The following PTPRB variants were observed in gnomAD, a reference collection of about 807,000 sequenced individuals.
PTPRB encodes the protein protein tyrosine phosphatase receptor type B.
PTPRB carries 97 observed loss-of-function variants against 238.1 expected under a neutral mutation model. That is an observed-to-expected ratio of 0.41 (90% CI 0.35 to 0.48). The LOEUF is 0.48. Among genes scored for constraint, PTPRB ranks in the 20% least tolerant of loss-of-function variants. PTPRB has a pLI of 0.30. For missense variants in PTPRB, 2,292 were observed against 2,681.9 expected (o/e 0.85, Z 3.21); for synonymous variants, 970 against 995.4 (o/e 0.97, Z 0.48).
rs1592369011 is a variant in PTPRB at position 70,516,489 on chromosome 12, T to A, written c.*5000A>T. On this transcript the variant is annotated 3_prime_UTR_variant, in exon 34 of 34. Coordinates refer to ENST00000334414, the MANE Select transcript of PTPRB (RefSeq NM_001109754.4). ...GACTAGGACATTCCACAAAGGCTGGTACAGGCTTTCCTACTAACCTGCAGA... is the reference window on the plus strand; with the variant it reads ...GACTAGGACATTCCACAAAGGCTGGAACAGGCTTTCCTACTAACCTGCAGA... 1 of 152,230 alleles carries A rather than the reference T, an allele frequency of 6.6e-6. No individual in the cohort carries two copies. The highest frequency in any genetic ancestry group is 1.5e-5 in the Non-Finnish European group (1 of 68,038). The allele number at this position is 152,230 out of a possible 1,614,324, so 9.4% of individuals were successfully genotyped here. A position where few individuals can be genotyped will look rare whatever the true frequency, so the allele number is the denominator to read the frequency against.
chr12:70,622,761 G>T, intron 2 of PTPRB, 115 bp from the exon 3 acceptor site: 1 of 1,246,956 alleles, frequency 8.0e-7, no homozygotes, highest in South Asian at 1.6e-5. Context: ...ATGTGGATAA[G>T]CTTCAGTTAT....
rs1298096681 is a variant in PTPRB, at chr12:70,536,085, C to T, written c.6021G>A (p.Met2007Ile). ...TGTTGTGAACGTTTTGTTCCCACAC[C>T]ATTTTCCAGAAGTCATCCTTGGTGC... ...LPGTKDDFWK[M>I]VWEQNVHNIV... Residue 2007 changes from methionine (M) to isoleucine (I), a missense_variant, in exon 29 of 34, where the codon ATG becomes ATA. Physicochemically the swap from Met to Ile is conservative, Grantham distance 10. Around this residue, in one of 4 missense-constraint regions of PTPRB, gnomAD observed 397 missense variants for 502.0 expected, o/e 0.79. Transcript: ENST00000334414. 1 of 1,613,804 alleles carries T rather than the reference C, an allele frequency of 6.2e-7. No individual in the cohort carries two copies. Among genetic ancestry groups the T allele is most frequent in the African/African-American group, 1.3e-5 (1 of 74,930 alleles).
At chr12:70,622,215 TG>T (rs1194557689) in intron 3 of PTPRB, among the ~76,000 whole-genome samples, 174 bp downstream of exon 3, 1 of 152,208 alleles carries the variant, frequency 6.6e-6, no homozygotes, top group Non-Finnish European at 1.5e-5. Flanking sequence ...TTGAGTCAAT[TG>T]CAAAGATTTT....
chr12:70,531,552 A>C (rs1160159732), intron 32 of PTPRB, among the ~76,000 whole-genome samples: 1 of 152,134 alleles, frequency 6.6e-6, no homozygotes, highest in Non-Finnish European at 1.5e-5. Flanking sequence ...CAAAGCCCTT[A>C]AGCTTTTGGA....
intron 9 of PTPRB, among the ~76,000 whole-genome samples, chr12:70,582,889 A>G (rs1228846939): frequency 1.3e-5 from 2 of 152,178 alleles, no homozygotes; most frequent in African/African-American, 2.4e-5. Flanking sequence ...ATATTTGAAC[A>G]AAAACTTCCC....
intron 21 of PTPRB, among the ~76,000 whole-genome samples, chr12:70,552,574 C>T (rs1401947379): frequency 6.6e-6 from 1 of 151,780 alleles, no homozygotes; most frequent in African/African-American, 2.4e-5. Flanking sequence ...GGAGCTTTTG[C>T]ATAGTGCTGA....
chr12:70,592,677 C>A, intron 6 of PTPRB, 132 bp from the exon 7 acceptor site: 1 of 904,352 alleles, frequency 1.1e-6, no homozygotes. Context: ...CTTCAAGAGG[C>A]AAATATTATC....
At position 70,637,389 on chromosome 12, in the gene PTPRB, C is replaced by G; in HGVS notation, c.7G>C (p.Ala3Pro). The change falls in exon 1 of 34, where the codon GCT (alanine) becomes CCT (proline). Residue 3 changes from alanine (A) to proline (P), a missense_variant. Around this residue, in one of 4 missense-constraint regions of PTPRB, gnomAD observed 1,205 missense variants for 1,287.8 expected, o/e 0.94. Transcript: ENST00000334414. ...GTAAGAATCACCATGTAAAATTCAG[C>G]CTCCATTTTCCACTTAGCAACTGTT... is the stretch of plus-strand genomic sequence containing the variant. ME[A>P]EFYMVILTCL... The G allele has an allele frequency of 1.2e-6, 2 of 1,607,764 alleles. No individual in the cohort carries two copies. The highest frequency in any genetic ancestry group is 1.1e-5 in the South Asian group (1 of 89,428).
chr12:70,610,390 C>A (rs1292647032), intron 3 of PTPRB, among the ~76,000 whole-genome samples: 1 of 148,682 alleles, frequency 6.7e-6, no homozygotes, highest in Non-Finnish European at 1.5e-5. Flanking sequence ...CAGGCCCCCA[C>A]CCCCGCCCCT....
intron 2 of PTPRB, among the ~76,000 whole-genome samples, chr12:70,625,551 G>GT (rs373089273): frequency 0.061 from 8,953 of 146,888 alleles, 283 homozygotes; most frequent in South Asian, 0.15. Flanking sequence ...AGATGATTAA[G>GT]TTTTTTTTTT....
At chr12:70,598,145 T>G (rs1883188873) in intron 4 of PTPRB, among the ~76,000 whole-genome samples, 1 of 152,204 alleles carries the variant, frequency 6.6e-6, no homozygotes, top group South Asian at 2.1e-4. Flanking sequence ...ACATATGTTC[T>G]AGGGTTTGAC....
intron 12 of PTPRB, 167 bp from the exon 13 acceptor site, chr12:70,571,456 A>G: frequency 1.4e-6 from 1 of 706,074 alleles, no homozygotes; most frequent in African/African-American, 1.8e-5. Flanking sequence ...AGCAACTATT[A>G]ACATTGTGGT....
intron 6 of PTPRB, among the ~76,000 whole-genome samples, chr12:70,593,776 T>TA (rs140354401): frequency 0.11 from 16,292 of 152,154 alleles, 1,004 homozygotes; most frequent in Non-Finnish European, 0.13. Flanking sequence ...GAGTTTCTCT[T>TA]AAAATTAGAT....
Position 70,520,243 on chromosome 12 carries a change from C to T in PTPRB, c.*1246G>A. 1 of 470,456 alleles carries T rather than the reference C, an allele frequency of 2.1e-6. No homozygotes were observed. Among genetic ancestry groups the T allele is most frequent in the South Asian group, 1.5e-5 (1 of 65,212 alleles). The allele number at this position is 470,456 out of a possible 1,614,324, so 29.1% of individuals were successfully genotyped here. A position where few individuals can be genotyped will look rare whatever the true frequency, so the allele number is the denominator to read the frequency against. On this transcript the variant is annotated 3_prime_UTR_variant, in exon 34 of 34. Coordinates refer to ENST00000334414, the MANE Select transcript of PTPRB (RefSeq NM_001109754.4). The stretch of plus-strand genomic sequence containing the variant: ...CCTTGATGAAGGAAATACTTTCTGA[C>T]TCATTGGAATTTGTTATAGTCAAAG...
intron 4 of PTPRB, among the ~76,000 whole-genome samples, chr12:70,599,256 A>G (rs1276269773): frequency 6.6e-6 from 1 of 152,170 alleles, no homozygotes; most frequent in Non-Finnish European, 1.5e-5. Flanking sequence ...GGAGAAAGAG[A>G]AAATTTTTAA....
At chr12:70,602,136 A>G (rs1883562771) in intron 4 of PTPRB, among the ~76,000 whole-genome samples, 1 of 152,122 alleles carries the variant, frequency 6.6e-6, no homozygotes, top group Non-Finnish European at 1.5e-5. Flanking sequence ...GCTGTTTGAC[A>G]ATAGTCAGTT....
chr12:70,606,677 C>T (rs1013574840), intron 4 of PTPRB, among the ~76,000 whole-genome samples: 1 of 152,072 alleles, frequency 6.6e-6, no homozygotes, highest in Non-Finnish European at 1.5e-5. Context: ...ATGATTTATG[C>T]ATCTCATCTC....
At chr12:70,537,042 T>G (rs558725768) in intron 28 of PTPRB, among the ~76,000 whole-genome samples, 12 of 152,228 alleles carry the variant, frequency 7.9e-5, no homozygotes, top group African/African-American at 2.9e-4. Context: ...CCCAGCACTT[T>G]GGGAGGCCAA....
At chr12:70,561,413 G>A (rs1878466997) in intron 16 of PTPRB, among the ~76,000 whole-genome samples, 1 of 152,112 alleles carries the variant, frequency 6.6e-6, no homozygotes, top group South Asian at 2.1e-4. Context: ...TTTAGGGAGA[G>A]AAGTGTTAAC....
Sources: allele counts gnomAD v4.1 joint callset (sites outside exome capture counted in the v4.1 genomes callset), GRCh38; gene constraint gnomAD v4.1.1; regional missense constraint gnomAD v4.1.1; transcripts MANE v1.5; gene names NCBI Gene and HGNC (gene_info 2026-07-23, HGNC 2026-07-21).